UCK2: variants seen among roughly 807,000 people sequenced by gnomAD.
The protein encoded by UCK2 is uridine-cytidine kinase 2, also known as cytidine monophosphokinase 2.
UCK2 carries 6 observed loss-of-function variants against 30.8 expected under a neutral mutation model. The ratio of observed to expected loss-of-function variants is 0.19; its 90% CI spans 0.11 to 0.38. UCK2 has a LOEUF of 0.38. Among genes scored for constraint, UCK2 ranks in the 10% least tolerant of loss-of-function variants. UCK2 has a pLI of 1.00. For missense variants in UCK2, 210 were observed against 339.8 expected (o/e 0.62, Z 3.00); for synonymous variants, 125 against 133.6 (o/e 0.94, Z 0.45).
intron 1 of UCK2, among the ~76,000 whole-genome samples, chr1:165,858,015 A>G (rs1654793965): frequency 6.6e-6 from 1 of 152,192 alleles, no homozygotes; most frequent in South Asian, 2.1e-4. Context: ...ACTCTGAGAA[A>G]GAGGGAGTAA....
intron 1 of UCK2, among the ~76,000 whole-genome samples, chr1:165,856,787 C>T (rs1397208155): frequency 1.3e-5 from 2 of 152,060 alleles, no homozygotes; most frequent in African/African-American, 4.8e-5. Flanking sequence ...TATTGGAACA[C>T]ACTTCCAGAG....
chr1:165,827,770 G>T lies in UCK2; in HGVS notation c.-64G>T. ...CTGCGGAAAGCGGAGGGAGTCCGAC[G>T]CGGGCGCGGGCGGGGAGCGTGCGTC... On this transcript the variant is annotated 5_prime_UTR_variant, in exon 1 of 7. Transcript: ENST00000367879. 1 of 1,272,100 alleles carries T rather than the reference G, an allele frequency of 7.9e-7. No individual in the cohort carries two copies. Among genetic ancestry groups the T allele is most frequent in the Non-Finnish European group, 1.0e-6 (1 of 995,698 alleles). The allele number at this position is 1,272,100 out of a possible 1,614,324, so 78.8% of individuals were successfully genotyped here.
chr1:165,905,277 G>A (rs1232886513), intron 5 of UCK2, among the ~76,000 whole-genome samples: 2 of 152,204 alleles, frequency 1.3e-5, no homozygotes, highest in Non-Finnish European at 2.9e-5. Flanking sequence ...GAGCCCAGGA[G>A]TTTGAGACCA....
chr1:165,906,055 G>T, intron 6 of UCK2, 86 bp downstream of exon 6: 1 of 1,301,562 alleles, frequency 7.7e-7, no homozygotes, highest in Non-Finnish European at 1.1e-6. Flanking sequence ...GACCCTACAG[G>T]GCTCTGCAGA....
At chr1:165,882,370 T>G (rs986953135) in intron 1 of UCK2, among the ~76,000 whole-genome samples, 1 of 152,244 alleles carries the variant, frequency 6.6e-6, no homozygotes, top group Non-Finnish European at 1.5e-5. Context: ...GTGCTGGTTA[T>G]GTGAGTGTTG....
chr1:165,830,334 T>A (rs1406753134), intron 1 of UCK2, among the ~76,000 whole-genome samples: 89 of 149,454 alleles, frequency 6.0e-4, no homozygotes, highest in African/African-American at 1.2e-3. Context: ...TTTATTATTT[T>A]TTTTTTTTGA....
chr1:165,907,660 G>T (rs754331990), intron 6 of UCK2, 24 bp from the exon 7 acceptor site: 19 of 1,612,738 alleles, frequency 1.2e-5, no homozygotes, highest in Non-Finnish European at 1.5e-5. Flanking sequence ...CACCCGTAAC[G>T]CTCTGCTGGT....
chr1:165,888,779 G>A (rs557009474), intron 1 of UCK2, among the ~76,000 whole-genome samples: 2 of 151,196 alleles, frequency 1.3e-5, no homozygotes, highest in South Asian at 2.1e-4. Context: ...CACCGTGCCC[G>A]GCAGGTCAAT....
At chr1:165,894,907 GGGT>G (rs1373402540) in intron 3 of UCK2, among the ~76,000 whole-genome samples, 2 of 152,208 alleles carry the variant, frequency 1.3e-5, no homozygotes, top group Non-Finnish European at 2.9e-5. Flanking sequence ...GTGCTAGTCA[GGGT>G]GAGTGGAAAC....
chr1:165,858,258 A>G (rs1654803880), intron 1 of UCK2, among the ~76,000 whole-genome samples: 1 of 152,154 alleles, frequency 6.6e-6, no homozygotes, highest in African/African-American at 2.4e-5. Context: ...AGAGGCTCAG[A>G]GAGGTTAAGT....
At chr1:165,904,946 G>T (rs180718096) in intron 5 of UCK2, among the ~76,000 whole-genome samples, 6 of 152,274 alleles carry the variant, frequency 3.9e-5, no homozygotes, top group African/African-American at 1.2e-4. Context: ...TAAAAATTGG[G>T]TAATAATAGA....
chr1:165,896,070 C>T, intron 3 of UCK2, 120 bp from the exon 4 acceptor site: 1 of 1,327,414 alleles, frequency 7.5e-7, no homozygotes, highest in Non-Finnish European at 1.0e-6. Context: ...TTAGCCCCCG[C>T]TTGAAGTCTG....
chr1:165,866,969 A>G (rs1352400321), intron 1 of UCK2, among the ~76,000 whole-genome samples: 1 of 152,216 alleles, frequency 6.6e-6, no homozygotes, highest in Non-Finnish European at 1.5e-5. Context: ...ATATACACAT[A>G]CCTCGGAGAT....
At chr1:165,897,779 A>G (rs1352743998) in intron 4 of UCK2, among the ~76,000 whole-genome samples, 1 of 152,216 alleles carries the variant, frequency 6.6e-6, no homozygotes, top group Non-Finnish European at 1.5e-5. Flanking sequence ...AGTAATAGAT[A>G]CATATGCTAT....
chr1:165,868,743 T>G (rs1264462581), intron 1 of UCK2, among the ~76,000 whole-genome samples: 3 of 152,246 alleles, frequency 2.0e-5, no homozygotes, highest in Non-Finnish European at 2.9e-5. Flanking sequence ...CAAACTTTCT[T>G]CGTATCAGTA....
chr1:165,831,270 G>C (rs1453782286), intron 1 of UCK2, among the ~76,000 whole-genome samples: 1 of 152,130 alleles, frequency 6.6e-6, no homozygotes, highest in Non-Finnish European at 1.5e-5. Flanking sequence ...TGTGCCACCA[G>C]CTTCTCAGGA....
chr1:165,836,721 G>A (rs150697117), intron 1 of UCK2, among the ~76,000 whole-genome samples: 123 of 152,302 alleles, frequency 8.1e-4, no homozygotes, highest in African/African-American at 2.8e-3. Flanking sequence ...AAGCCTGATT[G>A]TGAAAAAGTA....
intron 1 of UCK2, among the ~76,000 whole-genome samples, chr1:165,861,324 G>T (rs984279563): frequency 6.6e-6 from 1 of 151,956 alleles, no homozygotes; most frequent in African/African-American, 2.4e-5. Flanking sequence ...CATATAATTT[G>T]TATCCTAAAA....
At chr1:165,885,713 G>A (rs1184136492) in intron 1 of UCK2, among the ~76,000 whole-genome samples, 1 of 152,240 alleles carries the variant, frequency 6.6e-6, no homozygotes, top group East Asian at 1.9e-4. Context: ...GACGGCTAGA[G>A]TGGGAATCCT....
Sources: allele counts gnomAD v4.1 joint callset (sites outside exome capture counted in the v4.1 genomes callset), GRCh38; gene constraint gnomAD v4.1.1; transcripts MANE v1.5; gene names NCBI Gene and HGNC (gene_info 2026-07-23, HGNC 2026-07-21).